TLN2: variants seen among roughly 807,000 people sequenced by gnomAD.
TLN2 encodes the protein talin 2, also known as talin-2.
In TLN2, 118 loss-of-function variants were observed where a neutral mutation model predicts 294.7. The observed-to-expected ratio is 0.40, with a 90% CI of 0.34 to 0.47. TLN2 has a LOEUF of 0.47. TLN2 is among the 20% of genes least tolerant of loss of function. TLN2 has a pLI of 0.84. For synonymous variants in TLN2, 1,431 were observed against 1,304.5 expected (o/e 1.10, Z -2.09); for missense variants, 3,083 against 3,282.2 (o/e 0.94, Z 1.48).
intron 2 of TLN2, among the ~76,000 whole-genome samples, chr15:62,617,002 T>C (rs1264958594): frequency 6.6e-6 from 1 of 152,098 alleles, no homozygotes; most frequent in Non-Finnish European, 1.5e-5. Flanking sequence ...TGCAGGATTT[T>C]CTAATAGCTC....
chr15:62,761,083 G>C (rs943562824), intron 37 of TLN2, among the ~76,000 whole-genome samples: 2 of 152,164 alleles, frequency 1.3e-5, no homozygotes, highest in African/African-American at 4.8e-5. Context: ...TATGATGTTT[G>C]TGAGATTTAT....
chr15:62,535,467 T>TATAC (rs2041286179), intron 1 of TLN2, among the ~76,000 whole-genome samples: 1 of 148,904 alleles, frequency 6.7e-6, no homozygotes, highest in South Asian at 2.1e-4. Context: ...TGTCTGTGTG[T>TATAC]ACACACACAC....
At chr15:62,569,431 T>C (rs940498147) in intron 1 of TLN2, among the ~76,000 whole-genome samples, 2 of 152,122 alleles carry the variant, frequency 1.3e-5, no homozygotes, top group Non-Finnish European at 2.9e-5. Context: ...TCTTCCCTCT[T>C]AGGAGAAACT....
chr15:62,830,970 G>A (rs915105753), intron 54 of TLN2: 1 of 151,594 alleles, frequency 6.6e-6, no homozygotes, highest in African/African-American at 2.4e-5. Context: ...TACAACAGTT[G>A]CCATTACCAG....
chr15:62,513,112 T>C (rs1022910120), intron 1 of TLN2, among the ~76,000 whole-genome samples: 2 of 152,206 alleles, frequency 1.3e-5, no homozygotes, highest in African/African-American at 4.8e-5. Context: ...TTCTCCACTT[T>C]GCTCCAGCTG....
In TLN2 at chr15:62,610,934, G is replaced by C. The variant is rs536064029; in HGVS notation, c.-161-7417G>C. On this transcript the variant is annotated intron_variant, in intron 2 of 58. Transcript: ENST00000636159. ...ATTCACACCAATACTTCAGATTCCAGCTTAACACAATGGGCTTCCTTCTAA... is the reference window on the plus strand; with the variant it reads ...ATTCACACCAATACTTCAGATTCCACCTTAACACAATGGGCTTCCTTCTAA... Among the ~76,000 whole-genome samples the C allele has an allele frequency of 2.6e-5, 4 of 152,276 alleles. No individual in the cohort carries two copies. In the South Asian group the frequency reaches 8.3e-4, roughly 32 times the overall value.
intron 32 of TLN2, among the ~76,000 whole-genome samples, chr15:62,746,422 G>A (rs1367341695): frequency 2.6e-5 from 4 of 152,188 alleles, no homozygotes; most frequent in South Asian, 2.1e-4. Flanking sequence ...ACCATAGAGA[G>A]CGCAGTGTTT....
rs9888633 is a variant in TLN2, at chr15:62,591,481, G to A, written c.-162+1719G>A. On this transcript the variant is annotated intron_variant, in intron 2 of 58. Transcript: ENST00000636159. ...AGAGAGGTCAGAGGGCCATACAGAA[G>A]GGATTCTATTGGGAACCTTGAGTAA... 2.8e-3 allele frequency among the ~76,000 whole-genome samples: 422 copies of A among 152,294 alleles called. 4 individuals are homozygous for A. The highest frequency in any genetic ancestry group is 9.8e-3 in the African/African-American group (409 of 41,550).
chr15:62,706,744 G>A (rs994651636), intron 19 of TLN2, among the ~76,000 whole-genome samples: 1 of 152,158 alleles, frequency 6.6e-6, no homozygotes, highest in Non-Finnish European at 1.5e-5. Flanking sequence ...AGCTTCTCCT[G>A]ATCTACCATA....
At chr15:62,670,973 C>T (rs1178485888) in intron 9 of TLN2, among the ~76,000 whole-genome samples, 5 of 152,208 alleles carry the variant, frequency 3.3e-5, no homozygotes, top group Admixed American at 2.6e-4. Flanking sequence ...TTATTGTAGC[C>T]ATCCTCGCGG....
chr15:62,713,396 G>A (rs1309823629), intron 22 of TLN2, among the ~76,000 whole-genome samples: 1 of 151,320 alleles, frequency 6.6e-6, no homozygotes, highest in Non-Finnish European at 1.5e-5. Flanking sequence ...AATGTATTGT[G>A]GGCTGGGCAT....
intron 1 of TLN2, among the ~76,000 whole-genome samples, chr15:62,511,055 A>C (rs552576450): frequency 1.5e-4 from 23 of 152,330 alleles, no homozygotes; most frequent in African/African-American, 5.3e-4. Flanking sequence ...GCTAGGCTCT[A>C]CAGCTAAGTC....
rs943072754 is a variant in TLN2 at position 62,536,027 on chromosome 15, G to A, written c.-237-53660G>A. On this transcript the variant is annotated intron_variant, in intron 1 of 58. Coordinates refer to ENST00000636159, the MANE Select transcript of TLN2 (RefSeq NM_015059.3). ...GTTTTGCTCCTTGGAATAAACATTC[G>A]GCCTTCCTTTGACATTTATTATTAT... Among the ~76,000 whole-genome samples, 12 of 152,164 alleles carry A rather than the reference G, an allele frequency of 7.9e-5. No homozygotes were observed. The South Asian group carries it at 2.3e-3, about 29-fold the overall frequency.
At chr15:62,786,660 C>T (rs1221539774) in intron 45 of TLN2, among the ~76,000 whole-genome samples, 1 of 144,674 alleles carries the variant, frequency 6.9e-6, no homozygotes, top group Non-Finnish European at 1.5e-5. Context: ...CTGGCGCAAT[C>T]ATTTGTTAAG....
intron 1 of TLN2, among the ~76,000 whole-genome samples, chr15:62,397,315 T>G (rs980569149): frequency 1.3e-5 from 2 of 152,172 alleles, no homozygotes; most frequent in Admixed American, 1.3e-4. Context: ...TGGAGTGCAG[T>G]TGTACAATCA....
intron 2 of TLN2, among the ~76,000 whole-genome samples, chr15:62,600,419 G>C (rs1310377320): frequency 6.6e-6 from 1 of 152,220 alleles, no homozygotes; most frequent in African/African-American, 2.4e-5. Context: ...AGTGAGTCCA[G>C]CAAGTGGACT....
At chr15:62,807,559 A>G (rs2066376311) in intron 51 of TLN2, among the ~76,000 whole-genome samples, 1 of 151,838 alleles carries the variant, frequency 6.6e-6, no homozygotes, top group South Asian at 2.1e-4. Context: ...AGACGTGAAC[A>G]GGGGAAACTG....
intron 1 of TLN2, among the ~76,000 whole-genome samples, chr15:62,494,704 T>C (rs1226615392): frequency 2.0e-5 from 3 of 152,160 alleles, no homozygotes; most frequent in Admixed American, 1.3e-4. Flanking sequence ...AAGTCAAGGC[T>C]AAAGATTTTT....
intron 1 of TLN2, chr15:62,561,447 C>G (rs1468966961): frequency 6.6e-6 from 1 of 152,244 alleles, no homozygotes; most frequent in East Asian, 1.9e-4. Context: ...ATTAAGATGC[C>G]TTCTTTAGGG....
Sources: gnomAD v4.1 joint callset for allele counts (sites outside exome capture counted in the v4.1 genomes callset) on GRCh38, gnomAD v4.1.1 for gene constraint, MANE v1.5 for transcripts, NCBI Gene and HGNC (gene_info 2026-07-23, HGNC 2026-07-21) for gene names.